CNBD1: variants seen among roughly 807,000 people sequenced by gnomAD.
CNBD1 encodes cyclic nucleotide-binding domain-containing protein 1.
In CNBD1, 71 loss-of-function variants were observed where a neutral mutation model predicts 54.4. That is an observed-to-expected ratio of 1.30 (90% CI 1.08 to 1.59). The LOEUF is 1.59. CNBD1 is among the 40% of genes most tolerant of loss of function. CNBD1 has a pLI of 0.00. For missense variants in CNBD1, 659 were observed against 518.0 expected, an observed-to-expected ratio of 1.27 and a Z score of -2.64; for synonymous variants, 182 against 170.7, an observed-to-expected ratio of 1.07 and a Z score of -0.51.
At chr8:87,338,524 C>T (rs1810000375) in intron 8 of CNBD1, among the ~76,000 whole-genome samples, 1 of 151,520 alleles carries the variant, frequency 6.6e-6, no homozygotes, top group African/African-American at 2.4e-5. Context: ...TTTACTCCAA[C>T]CTCTTCTTGT....
intron 5 of CNBD1, among the ~76,000 whole-genome samples, chr8:87,224,393 T>C (rs1814426596): frequency 6.6e-6 from 1 of 151,798 alleles, no homozygotes; most frequent in Admixed American, 6.6e-5. Context: ...GTTTAAGTCT[T>C]TAATCCATCT....
intron 7 of CNBD1, among the ~76,000 whole-genome samples, chr8:87,285,998 G>C (rs539499890): frequency 6.6e-6 from 1 of 152,212 alleles, no homozygotes; most frequent in Admixed American, 6.5e-5. Context: ...CCATGGTTCA[G>C]TGCTCATGTG....
rs750314719 is a variant in CNBD1, at chr8:87,236,904, C to G, written c.578-15C>G. ...TGAGCACACAGTATATATTTTTTGG[C>G]TTTGTTTTTTTCAGTGGTTGCAAAT... On this transcript the variant is annotated splice_polypyrimidine_tract_variant and intron_variant, in intron 5 of 10. Transcript: ENST00000518476. 1 of 1,568,006 alleles carries G rather than the reference C, an allele frequency of 6.4e-7. No homozygotes were observed. The highest frequency in any genetic ancestry group is 8.7e-7 in the Non-Finnish European group (1 of 1,153,462).
At chr8:87,062,170 T>C (rs1810560869) in intron 4 of CNBD1, among the ~76,000 whole-genome samples, 1 of 152,192 alleles carries the variant, frequency 6.6e-6, no homozygotes. Flanking sequence ...TACTTTCAAT[T>C]TCTATGTAGG....
intron 6 of CNBD1, among the ~76,000 whole-genome samples, chr8:87,254,561 T>C (rs1029491341): frequency 3.9e-5 from 6 of 152,184 alleles, no homozygotes; most frequent in Non-Finnish European, 5.9e-5. Context: ...CTGAATATTC[T>C]TCTCAGTATA....
intron 8 of CNBD1, among the ~76,000 whole-genome samples, chr8:87,309,865 G>T (rs566391453): frequency 6.6e-6 from 1 of 152,032 alleles, no homozygotes; most frequent in Middle Eastern, 3.4e-3. Flanking sequence ...TAAAATAAAA[G>T]GTGTCCAAAT....
chr8:86,935,699 A>G (rs139707189), intron 3 of CNBD1, among the ~76,000 whole-genome samples: 2 of 152,274 alleles, frequency 1.3e-5, no homozygotes, highest in East Asian at 3.9e-4. Context: ...AGATTTCTAA[A>G]TAACTAAATT....
At position 87,246,785 on chromosome 8, in the gene CNBD1, G is replaced by A. The variant is rs142223018; in HGVS notation, c.771+9673G>A. On this transcript the variant is annotated intron_variant, in intron 6 of 10. Transcript: ENST00000518476. ...GTGTTGTAGAAGACAATTTTTCCAC[G>A]GACTAGGGGTGGGGGATGGTTTTGG... Among the ~76,000 whole-genome samples, 9 of 151,998 alleles carry A rather than the reference G, an allele frequency of 5.9e-5. No homozygotes were observed. The East Asian group carries it at 9.7e-4, about 16-fold the overall frequency.
At chr8:87,387,221 C>A (rs1464873157), downstream of CNBD1, among the ~76,000 whole-genome samples, 2 of 152,116 alleles carry the variant, frequency 1.3e-5, no homozygotes, top group Non-Finnish European at 2.9e-5. Flanking sequence ...AACCAGCTAA[C>A]ATCGTAATGA....
At chr8:87,388,420 TCAC>T (rs1386770351) in intron 2 of CNBD1, among the ~76,000 whole-genome samples, 1 of 151,794 alleles carries the variant, frequency 6.6e-6, no homozygotes. Context: ...AAAGGGGATA[TCAC>T]CACCGATCCC....
intron 4 of CNBD1, among the ~76,000 whole-genome samples, chr8:87,135,993 G>C (rs1272240057): frequency 3.3e-5 from 5 of 152,022 alleles, no homozygotes; most frequent in Admixed American, 1.3e-4. Flanking sequence ...TGTGTGGTTA[G>C]TTGTTCAAAA....
chr8:87,055,187 G>T (rs1247641093), intron 4 of CNBD1, among the ~76,000 whole-genome samples: 1 of 152,154 alleles, frequency 6.6e-6, no homozygotes, highest in Non-Finnish European at 1.5e-5. Flanking sequence ...TAGAACAAAA[G>T]TTTAATAAGC....
chr8:86,886,472 T>C lies in CNBD1; in HGVS notation c.89-1070T>C, dbSNP rs1808682321. Among the ~76,000 whole-genome samples the C allele has an allele frequency of 2.0e-5, 3 of 152,152 alleles. No individual in the cohort carries two copies. In the South Asian group the frequency reaches 6.2e-4, roughly 31 times the overall value. The stretch of plus-strand genomic sequence containing the variant: ...TATGATATGGATATATATGATATGA[T>C]ATGGATAACAATCAGTTGTCTGCTT... On this transcript the variant is annotated intron_variant, in intron 1 of 10. Transcript: ENST00000518476.
chr8:87,094,238 G>A (rs529298593), intron 4 of CNBD1, among the ~76,000 whole-genome samples: 10 of 151,944 alleles, frequency 6.6e-5, no homozygotes, highest in South Asian at 2.1e-4. Flanking sequence ...TCTCTTTCCC[G>A]TAGCAGCTGG....
rs985173924 is a variant in CNBD1, at chr8:87,332,363, A to G, written c.1043-19322A>G. Among the ~76,000 whole-genome samples, 122 of 152,044 alleles carry G rather than the reference A, an allele frequency of 8.0e-4. 1 individual carries two copies. Among genetic ancestry groups the G allele is most frequent in the African/African-American group, 2.7e-3 (114 of 41,514 alleles). On this transcript the variant is annotated intron_variant, in intron 8 of 10. Coordinates refer to ENST00000518476, the MANE Select transcript of CNBD1 (RefSeq NM_173538.3). The stretch of plus-strand genomic sequence containing the variant: ...ACTCTGTCTAAAGAAAAAAAAAAAA[A>G]AAAGAAACTCTTTAGTTTAATTAGG...
At chr8:86,992,870 T>G (rs988987798) in intron 4 of CNBD1, among the ~76,000 whole-genome samples, 1 of 152,196 alleles carries the variant, frequency 6.6e-6, no homozygotes, top group Non-Finnish European at 1.5e-5. Flanking sequence ...TCTCTCTAGA[T>G]GCCTTTAAGA....
intron 4 of CNBD1, among the ~76,000 whole-genome samples, chr8:87,177,795 A>G (rs1465165759): frequency 6.6e-6 from 1 of 152,204 alleles, no homozygotes; most frequent in Non-Finnish European, 1.5e-5. Context: ...TCTATTTTTT[A>G]ATGTTTTAAT....
At chr8:87,021,250 C>T (rs1484282463) in intron 4 of CNBD1, among the ~76,000 whole-genome samples, 1 of 152,062 alleles carries the variant, frequency 6.6e-6, no homozygotes, top group East Asian at 1.9e-4. Flanking sequence ...TTTAGAGTTT[C>T]ACTCTTTTCA....
intron 8 of CNBD1, among the ~76,000 whole-genome samples, chr8:87,319,633 A>G (rs539976614): frequency 6.6e-5 from 10 of 152,226 alleles, no homozygotes; most frequent in Non-Finnish European, 1.5e-4. Flanking sequence ...GGGGAAATAT[A>G]CTTTCTTTCA....
Sources: allele counts gnomAD v4.1 joint callset (sites outside exome capture counted in the v4.1 genomes callset), GRCh38; gene constraint gnomAD v4.1.1; transcripts MANE v1.5; gene names NCBI Gene and HGNC (gene_info 2026-07-23, HGNC 2026-07-21).